Variants in NEK7 observed in about 807,000 individuals in gnomAD.
The protein encoded by NEK7 is NIMA related kinase 7, also known as serine/threonine-protein kinase Nek7.
NEK7 carries 18 observed loss-of-function variants against 44.6 expected under a neutral mutation model. That is an observed-to-expected ratio of 0.40 (90% CI 0.28 to 0.60). The LOEUF (loss-of-function observed/expected upper bound fraction) is 0.60. Ranked by LOEUF, NEK7 falls within the 20% of genes least tolerant of loss-of-function variation. The probability of loss-of-function intolerance (pLI) is 0.38; values close to 1 mark genes in which losing one functional copy is unlikely to be tolerated. For synonymous variants in NEK7, 130 were observed against 121.1 expected, an observed-to-expected ratio of 1.07 and a Z score of -0.48; for missense variants, 256 against 366.5, an observed-to-expected ratio of 0.70 and a Z score of 2.46.
At chr1:198,279,211 T>TATAAG (rs58499979) in intron 7 of NEK7, 150 bp downstream of exon 7, 71,039 of 506,332 alleles carry the variant, frequency 0.14, 7,762 homozygotes, top group East Asian at 0.48. Flanking sequence ...AACTCTCTAT[T>TATAAG]AGGTATAAGG....
At chr1:198,186,117 A>G (rs989732932) in intron 1 of NEK7, among the ~76,000 whole-genome samples, 1 of 152,224 alleles carries the variant, frequency 6.6e-6, no homozygotes, top group Non-Finnish European at 1.5e-5. Flanking sequence ...CTTATGGCAA[A>G]TATGTTTAGA....
chr1:198,184,615 C>T (rs557711793), intron 1 of NEK7, among the ~76,000 whole-genome samples: 1 of 152,230 alleles, frequency 6.6e-6, no homozygotes, highest in African/African-American at 2.4e-5. Flanking sequence ...CACAATGCAA[C>T]AACCATGGCA....
At chr1:198,273,293 CT>C (rs1653912516) in intron 5 of NEK7, among the ~76,000 whole-genome samples, 1 of 151,788 alleles carries the variant, frequency 6.6e-6, no homozygotes, top group East Asian at 1.9e-4. Flanking sequence ...AGAGAAAATA[CT>C]TATGCACTGT....
At chr1:198,256,075 T>G (rs1571579685) in intron 3 of NEK7, among the ~76,000 whole-genome samples, 1 of 152,202 alleles carries the variant, frequency 6.6e-6, no homozygotes, top group African/African-American at 2.4e-5. Context: ...ACTTGTTATT[T>G]TAAGGCTATA....
intron 1 of NEK7, among the ~76,000 whole-genome samples, chr1:198,188,291 T>C (rs56922219): frequency 0.15 from 22,634 of 152,138 alleles, 1,855 homozygotes; most frequent in East Asian, 0.22. Context: ...CACAACTTCA[T>C]AGGTGATAAA....
intron 9 of NEK7, among the ~76,000 whole-genome samples, chr1:198,305,393 A>G (rs1032555128): frequency 1.3e-5 from 2 of 152,160 alleles, no homozygotes; most frequent in African/African-American, 2.4e-5. Flanking sequence ...TTTTAAAATA[A>G]CTTTATTCCT....
At chr1:198,188,368 G>A (rs1198380151) in intron 1 of NEK7, among the ~76,000 whole-genome samples, 1 of 152,172 alleles carries the variant, frequency 6.6e-6, no homozygotes, top group Non-Finnish European at 1.5e-5. Context: ...AGGAGTATCA[G>A]CATAGTAGTA....
At chr1:198,208,753 C>A (rs1443531985) in intron 1 of NEK7, among the ~76,000 whole-genome samples, 2 of 152,064 alleles carry the variant, frequency 1.3e-5, no homozygotes, top group African/African-American at 4.8e-5. Context: ...ATGTTTAAGG[C>A]TTTTGAAGTC....
intron 1 of NEK7, among the ~76,000 whole-genome samples, chr1:198,193,412 C>T (rs1022383617): frequency 6.6e-6 from 1 of 152,134 alleles, no homozygotes; most frequent in Non-Finnish European, 1.5e-5. Context: ...TCTACTGAAA[C>T]TATTCCAAAC....
At chr1:198,195,713 T>G (rs1665209098) in intron 1 of NEK7, among the ~76,000 whole-genome samples, 1 of 152,022 alleles carries the variant, frequency 6.6e-6, no homozygotes. Context: ...TAATCCCAGC[T>G]ACTTGGGAGG....
At chr1:198,158,123 G>A (rs1463585823) in intron 1 of NEK7, among the ~76,000 whole-genome samples, 1 of 152,142 alleles carries the variant, frequency 6.6e-6, no homozygotes, top group Non-Finnish European at 1.5e-5. Flanking sequence ...CTTGCACTGG[G>A]AGCGTACTGG....
intron 4 of NEK7, among the ~76,000 whole-genome samples, chr1:198,263,408 A>G (rs1231969884): frequency 6.6e-6 from 1 of 151,958 alleles, no homozygotes; most frequent in Non-Finnish European, 1.5e-5. Flanking sequence ...ATAGCATGTC[A>G]TCATAGAAAA....
At chr1:198,181,343 C>T (rs1304257709) in intron 1 of NEK7, among the ~76,000 whole-genome samples, 1 of 152,106 alleles carries the variant, frequency 6.6e-6, no homozygotes, top group Non-Finnish European at 1.5e-5. Flanking sequence ...TCATGCATTA[C>T]TAGTGAGGCT....
intron 7 of NEK7, among the ~76,000 whole-genome samples, chr1:198,285,135 G>T (rs780925769): frequency 2.6e-5 from 4 of 151,846 alleles, no homozygotes; most frequent in Non-Finnish European, 5.9e-5. Context: ...GACATGCCGT[G>T]TAATTTACTT....
rs1654607373 is a variant in NEK7 at position 198,293,050 on chromosome 1, T to C, written c.684+11T>C. 4 of 1,370,122 alleles carry C rather than the reference T, an allele frequency of 2.9e-6. No homozygotes were observed. The highest frequency in any genetic ancestry group is 4.2e-6 in the Non-Finnish European group (4 of 959,468). The allele number at this position is 1,370,122 out of a possible 1,614,324, so 84.9% of individuals were successfully genotyped here. Reference sequence around the variant, plus strand: ...TGTCTACTATATGAGGTAGGTAATGTTGATAAATTCCAAATATTGATGCAG... The same window carrying C: ...TGTCTACTATATGAGGTAGGTAATGCTGATAAATTCCAAATATTGATGCAG... On this transcript the variant is annotated intron_variant, in intron 8 of 9. Transcript: ENST00000367385.
chr1:198,319,086 CTTATAG>C lies in NEK7; in HGVS notation c.799-320_799-315del, dbSNP rs563802976. 4.1e-3 allele frequency among the ~76,000 whole-genome samples: 631 copies of C among 152,208 alleles called. 1 individual carries two copies. Among genetic ancestry groups the C allele is most frequent in the African/African-American group, 6.6e-3 (275 of 41,562 alleles). Reference sequence around the variant, plus strand: ...TGTGTATTTACAGTTAACTTGGAGACTTATAGTTATAAGACTAGTGTCCTCAGTGAC... The same window carrying C: ...TGTGTATTTACAGTTAACTTGGAGACTTATAAGACTAGTGTCCTCAGTGAC... On this transcript the variant is annotated intron_variant, in intron 9 of 9. Transcript: ENST00000367385.
chr1:198,176,103 G>A (rs1188318162), intron 1 of NEK7, among the ~76,000 whole-genome samples: 1 of 152,160 alleles, frequency 6.6e-6, no homozygotes, highest in African/African-American at 2.4e-5. Flanking sequence ...TAGACCTGTA[G>A]TCTTTTAATC....
intron 2 of NEK7, among the ~76,000 whole-genome samples, chr1:198,243,661 C>T (rs1666749914): frequency 6.6e-6 from 1 of 152,084 alleles, no homozygotes; most frequent in African/African-American, 2.4e-5. Flanking sequence ...TAGATAACTG[C>T]TTATATTTGG....
intron 1 of NEK7, among the ~76,000 whole-genome samples, chr1:198,194,347 T>A (rs1297996889): frequency 6.6e-6 from 1 of 151,856 alleles, no homozygotes; most frequent in African/African-American, 2.4e-5. Flanking sequence ...CTTATATAGG[T>A]AAACTTGTTT....
Sources: allele counts gnomAD v4.1 joint callset (sites outside exome capture counted in the v4.1 genomes callset), GRCh38; gene constraint gnomAD v4.1.1; transcripts MANE v1.5; gene names NCBI Gene and HGNC (gene_info 2026-07-23, HGNC 2026-07-21).